The following SCFD2 variants were observed in gnomAD, a reference collection of about 807,000 sequenced individuals.
SCFD2 encodes sec1 family domain-containing protein 2.
Under a neutral mutation model 58.9 loss-of-function variants are expected in SCFD2, and 54 were observed. The observed-to-expected ratio is 0.92, with a 90% CI of 0.74 to 1.15. The LOEUF is 1.15. Ranked by LOEUF, SCFD2 falls within the 50% of genes most tolerant of loss-of-function variation. SCFD2 has a pLI of 0.00. For synonymous variants in SCFD2, 321 were observed against 335.9 expected, an observed-to-expected ratio of 0.96 and a Z score of 0.49; for missense variants, 805 against 836.6, an observed-to-expected ratio of 0.96 and a Z score of 0.47.
intron 6 of SCFD2, among the ~76,000 whole-genome samples, chr4:52,909,638 G>C (rs1719435335): frequency 6.6e-6 from 1 of 152,124 alleles, no homozygotes; most frequent in Non-Finnish European, 1.5e-5. Flanking sequence ...TTACAGCACA[G>C]TTTAAAGCAC....
Position 52,894,723 on chromosome 4 carries a change from C to T in SCFD2, c.1843-8857G>A, listed in dbSNP as rs567161119. On this transcript the variant is annotated intron_variant, in intron 7 of 8. Transcript: ENST00000401642. ...AAGCTGACAGCTTTGTGTGGCTAAC[C>T]GCAAGTCTATCCTCTGGTTGAGAAG... 1.8e-4 allele frequency among the ~76,000 whole-genome samples: 27 copies of T among 152,258 alleles called. No individual in the cohort carries two copies. In the South Asian group the frequency reaches 4.2e-3, roughly 23 times the overall value.
At chr4:53,283,980 G>A (rs554063380) in intron 3 of SCFD2, among the ~76,000 whole-genome samples, 61 of 151,540 alleles carry the variant, frequency 4.0e-4, no homozygotes, top group South Asian at 1.3e-3. Flanking sequence ...TTAGCCAGGC[G>A]TGGTGGCGGG....
chr4:53,338,826 C>A (rs541658830), intron 2 of SCFD2, among the ~76,000 whole-genome samples: 2 of 151,726 alleles, frequency 1.3e-5, no homozygotes, highest in Admixed American at 1.3e-4. Context: ...GTGATCCGCC[C>A]GCCTCGGCCT....
At chr4:53,109,748 T>C (rs529724875) in intron 5 of SCFD2, among the ~76,000 whole-genome samples, 3 of 152,300 alleles carry the variant, frequency 2.0e-5, no homozygotes, top group African/African-American at 7.2e-5. Context: ...AAACATTCCA[T>C]GCTTATTAAT....
chr4:53,275,557 T>C (rs1731302401), intron 3 of SCFD2, among the ~76,000 whole-genome samples: 1 of 152,244 alleles, frequency 6.6e-6, no homozygotes, highest in Non-Finnish European at 1.5e-5. Flanking sequence ...CCTTTTCTAG[T>C]GTACAGTTCT....
intron 1 of SCFD2, among the ~76,000 whole-genome samples, chr4:53,355,238 A>AG (rs1008556307): frequency 9.8e-5 from 15 of 152,356 alleles, no homozygotes; most frequent in African/African-American, 3.4e-4. Context: ...AAATGAACAG[A>AG]GATCATTCAT....
At chr4:53,147,590 T>C (rs1726371556) in intron 4 of SCFD2, among the ~76,000 whole-genome samples, 1 of 152,202 alleles carries the variant, frequency 6.6e-6, no homozygotes, top group Non-Finnish European at 1.5e-5. Context: ...ATTTACCAAG[T>C]GTAAACACAC....
chr4:53,103,472 T>C (rs1724887549), intron 5 of SCFD2, among the ~76,000 whole-genome samples: 1 of 151,522 alleles, frequency 6.6e-6, no homozygotes, highest in African/African-American at 2.4e-5. Flanking sequence ...TATAAACAAA[T>C]GTTTAGCTTA....
chr4:53,250,043 A>C (rs1159503070), intron 4 of SCFD2, among the ~76,000 whole-genome samples: 3 of 152,196 alleles, frequency 2.0e-5, no homozygotes, highest in Non-Finnish European at 4.4e-5. Flanking sequence ...AGTGTGCTGT[A>C]TTCAGGAAAC....
At chr4:52,922,673 A>G (rs1365888206) in intron 5 of SCFD2, among the ~76,000 whole-genome samples, 2 of 152,176 alleles carry the variant, frequency 1.3e-5, no homozygotes, top group East Asian at 3.9e-4. Context: ...CTAGTTTTAC[A>G]TGTACATGTT....
intron 2 of SCFD2, among the ~76,000 whole-genome samples, chr4:53,343,157 C>A (rs1276930009): frequency 6.6e-6 from 1 of 152,054 alleles, no homozygotes; most frequent in Non-Finnish European, 1.5e-5. Flanking sequence ...TCAAAAAAAT[C>A]AACGAATCCA....
rs577860118 is a variant in SCFD2 at position 53,238,769 on chromosome 4, C to G, written c.1311+35057G>C. Among the ~76,000 whole-genome samples the G allele has an allele frequency of 2.0e-5, 3 of 150,544 alleles. No homozygotes were observed. The South Asian group carries it at 6.3e-4, about 32-fold the overall frequency. On this transcript the variant is annotated intron_variant, in intron 4 of 8. Coordinates refer to ENST00000401642, the MANE Select transcript of SCFD2 (RefSeq NM_152540.4). ...CCCCACATCTCAGACGATGGGCGGC[C>G]GGGCAGAGACGCTCCTCACTTCCTA...
At chr4:53,097,897 C>T (rs191331372) in intron 5 of SCFD2, among the ~76,000 whole-genome samples, 4 of 152,104 alleles carry the variant, frequency 2.6e-5, no homozygotes, top group Admixed American at 6.6e-5. Flanking sequence ...CCAATCAATA[C>T]TTAATTTATT....
intron 4 of SCFD2, among the ~76,000 whole-genome samples, chr4:53,163,544 T>C (rs573705291): frequency 4.6e-5 from 7 of 152,282 alleles, no homozygotes; most frequent in Non-Finnish European, 8.8e-5. Context: ...TGAGCCAACA[T>C]GGCAAACCCC....
chr4:53,186,060 T>C (rs973834985), intron 4 of SCFD2, among the ~76,000 whole-genome samples: 2 of 152,160 alleles, frequency 1.3e-5, no homozygotes, highest in African/African-American at 4.8e-5. Flanking sequence ...AAAACAGTGC[T>C]TAACATTGAC....
chr4:53,282,400 T>C (rs1183825222), intron 3 of SCFD2, among the ~76,000 whole-genome samples: 1 of 152,202 alleles, frequency 6.6e-6, no homozygotes, highest in Non-Finnish European at 1.5e-5. Context: ...TAATTTATCT[T>C]TCAACTATTG....
At chr4:52,971,894 G>C (rs543629521) in intron 5 of SCFD2, among the ~76,000 whole-genome samples, 5 of 152,268 alleles carry the variant, frequency 3.3e-5, no homozygotes, top group South Asian at 2.1e-4. Flanking sequence ...TTTCAACCCA[G>C]AATTTCATAT....
At chr4:53,056,660 A>G (rs1723349415) in intron 5 of SCFD2, among the ~76,000 whole-genome samples, 1 of 152,154 alleles carries the variant, frequency 6.6e-6, no homozygotes, top group South Asian at 2.1e-4. Context: ...AATATATTGT[A>G]CATTTCTTTC....
chr4:53,102,871 G>A (rs1577728849), intron 5 of SCFD2, among the ~76,000 whole-genome samples: 1 of 151,866 alleles, frequency 6.6e-6, no homozygotes, highest in African/African-American at 2.4e-5. Flanking sequence ...AAAACAATAA[G>A]GTACCCAAAT....
Sources: allele counts gnomAD v4.1 joint callset (sites outside exome capture counted in the v4.1 genomes callset), GRCh38; gene constraint gnomAD v4.1.1; transcripts MANE v1.5; gene names NCBI Gene and HGNC (gene_info 2026-07-23, HGNC 2026-07-21).